PEAK1: variants seen among roughly 807,000 people sequenced by gnomAD.
PEAK1 encodes the protein inactive tyrosine-protein kinase PEAK1.
In PEAK1, 54 loss-of-function variants were observed where a neutral mutation model predicts 124.7. The ratio of observed to expected loss-of-function variants is 0.43; its 90% CI spans 0.35 to 0.54. The LOEUF (loss-of-function observed/expected upper bound fraction) is 0.54, where lower values mean the gene tolerates loss of function less well. Ranked by LOEUF, PEAK1 falls within the 20% of genes least tolerant of loss-of-function variation. The probability of loss-of-function intolerance (pLI) is 0.01; values close to 1 mark genes in which losing one functional copy is unlikely to be tolerated. For synonymous variants in PEAK1, 719 were observed against 760.0 expected (o/e 0.95, Z 0.89); for missense variants, 2,046 against 2,134.5 (o/e 0.96, Z 0.82).
At chr15:77,335,977 G>C (rs1412847745) in intron 2 of PEAK1, 1 of 985,230 alleles carries the variant, frequency 1.0e-6, no homozygotes, top group African/African-American at 1.7e-5. Flanking sequence ...TATAATGATG[G>C]ACTAGTAGGA....
chr15:77,378,453 C>T (rs1400335307), intron 1 of PEAK1, among the ~76,000 whole-genome samples: 1 of 151,934 alleles, frequency 6.6e-6, no homozygotes, highest in Non-Finnish European at 1.5e-5. Flanking sequence ...AGGAATCTTG[C>T]TACTTCACGG....
intron 2 of PEAK1, chr15:77,333,787 T>C: frequency 2.3e-6 from 2 of 880,384 alleles, no homozygotes; most frequent in Non-Finnish European, 2.7e-6. Flanking sequence ...CAATATCATA[T>C]GGTTTTAATC....
intron 1 of PEAK1, chr15:77,419,072 CCT>C (rs1379074386): frequency 2.0e-6 from 2 of 985,254 alleles, no homozygotes; most frequent in Non-Finnish European, 2.4e-6. Flanking sequence ...TCATAGTTTT[CCT>C]CTAACTCATC....
intron 1 of PEAK1, among the ~76,000 whole-genome samples, chr15:77,376,041 A>AAATG (rs1567325028): frequency 1.3e-5 from 2 of 149,596 alleles, no homozygotes; most frequent in Admixed American, 6.7e-5. Context: ...ATAAATAAAT[A>AAATG]AATGTAATAA....
chr15:77,346,224 G>A (rs761530695), intron 2 of PEAK1: 20 of 927,178 alleles, frequency 2.2e-5, no homozygotes, highest in African/African-American at 5.4e-5. Context: ...AACTAAGAGT[G>A]CCACAGTTTC....
chr15:77,115,359 A>T, intron 9 of PEAK1, 40 bp from the exon 10 acceptor site: 1 of 1,552,212 alleles, frequency 6.4e-7, no homozygotes, highest in Non-Finnish European at 8.8e-7. Flanking sequence ...ACACTCTCAT[A>T]ACCAGGTTTA....
At chr15:77,392,904 C>T (rs1294233088) in intron 1 of PEAK1, among the ~76,000 whole-genome samples, 1 of 152,156 alleles carries the variant, frequency 6.6e-6, no homozygotes, top group Admixed American at 6.5e-5. Flanking sequence ...TTGCCGACAC[C>T]ATCCCCTCCT....
chr15:77,339,752 C>T (rs986136629), intron 2 of PEAK1, among the ~76,000 whole-genome samples: 4 of 152,110 alleles, frequency 2.6e-5, no homozygotes, highest in Admixed American at 2.6e-4. Context: ...AAAGACATAT[C>T]TGAAATCAGG....
intron 6 of PEAK1, among the ~76,000 whole-genome samples, chr15:77,220,433 T>G (rs760509710): frequency 2.0e-5 from 3 of 150,620 alleles, no homozygotes; most frequent in Non-Finnish European, 3.0e-5. Flanking sequence ...CTGATAGGTA[T>G]ATGAGAAATT....
At chr15:77,157,178 A>G (rs1435633658) in intron 8 of PEAK1, 1 of 152,188 alleles carries the variant, frequency 6.6e-6, no homozygotes, top group Non-Finnish European at 1.5e-5. Flanking sequence ...TGTTAGAATT[A>G]TTTTTCCTTA....
chr15:77,313,216 C>T (rs2064589936), intron 2 of PEAK1, among the ~76,000 whole-genome samples: 1 of 151,698 alleles, frequency 6.6e-6, no homozygotes, highest in Admixed American at 6.6e-5. Context: ...GTCAAAGGGG[C>T]GCAGGAGGCA....
Position 77,114,899 on chromosome 15 carries a change from G to C in PEAK1, c.4498C>G (p.Leu1500Val). ...TTGAGGTGCTCAAGACCAGAGCATA[G>C]CTGTAAGAGCAGCAGACACACCTGC... ...ERQVCLLLLQ[L>V]CSGLEHLKPY... Residue 1500 changes from leucine to valine, a missense_variant, in exon 10 of 10, where the codon CTA (leucine) becomes GTA (valine). Coordinates refer to ENST00000682557, the MANE Select transcript of PEAK1 (RefSeq NM_001385026.1). 2 of 1,613,996 alleles carry C rather than the reference G, an allele frequency of 1.2e-6. No homozygotes were observed. The highest frequency in any genetic ancestry group is 1.7e-6 in the Non-Finnish European group (2 of 1,180,022).
intron 1 of PEAK1, among the ~76,000 whole-genome samples, chr15:77,368,200 G>T (rs1159495387): frequency 6.6e-6 from 1 of 151,958 alleles, no homozygotes; most frequent in Non-Finnish European, 1.5e-5. Context: ...TATGAGTTTT[G>T]AGCATTTATT....
chr15:77,101,490 CTAT>C (rs1420193111), exon 7 of PEAK1: 8 of 152,236 alleles, frequency 5.3e-5, no homozygotes, highest in African/African-American at 1.9e-4. Context: ...TGAGCACTTA[CTAT>C]TGCCTGGCAG....
At chr15:77,407,275 T>C (rs760739432) in intron 1 of PEAK1, among the ~76,000 whole-genome samples, 3 of 151,966 alleles carry the variant, frequency 2.0e-5, no homozygotes, top group Non-Finnish European at 4.4e-5. Flanking sequence ...TAGGCGGAAC[T>C]TAAATAAACT....
chr15:77,361,242 T>C (rs535471687), intron 2 of PEAK1, among the ~76,000 whole-genome samples: 2 of 152,096 alleles, frequency 1.3e-5, no homozygotes, highest in Admixed American at 6.6e-5. Flanking sequence ...AGAAGACATA[T>C]ACCAGCCTGG....
chr15:77,376,471 C>T (rs1165789220), intron 1 of PEAK1, among the ~76,000 whole-genome samples: 1 of 152,120 alleles, frequency 6.6e-6, no homozygotes, highest in African/African-American at 2.4e-5. Flanking sequence ...GAACTCTCCT[C>T]CTCATATTGT....
intron 8 of PEAK1, among the ~76,000 whole-genome samples, chr15:77,140,101 T>TA (rs1204722290): frequency 2.0e-5 from 3 of 152,120 alleles, no homozygotes; most frequent in Admixed American, 6.5e-5. Flanking sequence ...ATTAGTATTT[T>TA]AAAAAATTCC....
At chr15:77,174,594 T>C (rs554212332) in intron 7 of PEAK1, among the ~76,000 whole-genome samples, 1 of 152,238 alleles carries the variant, frequency 6.6e-6, no homozygotes, top group Non-Finnish European at 1.5e-5. Context: ...AAAAAGCTAC[T>C]GAATACCTCT....
Sources: allele counts gnomAD v4.1 joint callset (sites outside exome capture counted in the v4.1 genomes callset), GRCh38; gene constraint gnomAD v4.1.1; transcripts MANE v1.5; gene names NCBI Gene and HGNC (gene_info 2026-07-23, HGNC 2026-07-21).